Variants in TRPS1 observed in about 807,000 individuals in gnomAD.
TRPS1 encodes transcriptional repressor GATA binding 1.
TRPS1 carries 6 observed loss-of-function variants against 101.2 expected under a neutral mutation model. The observed-to-expected ratio is 0.06, with a 90% CI of 0.03 to 0.12. The LOEUF (loss-of-function observed/expected upper bound fraction) is 0.12, where lower values mean the gene tolerates loss of function less well. Ranked by LOEUF, TRPS1 falls within the 10% of genes least tolerant of loss-of-function variation. TRPS1 has a pLI of 1.00. For synonymous variants in TRPS1, 578 were observed against 589.8 expected, an observed-to-expected ratio of 0.98 and a Z score of 0.29; for missense variants, 1,363 against 1,567.0, an observed-to-expected ratio of 0.87 and a Z score of 2.20.
chr8:115,475,519 G>A (rs1814583052), intron 5 of TRPS1, among the ~76,000 whole-genome samples: 1 of 151,902 alleles, frequency 6.6e-6, no homozygotes, highest in Non-Finnish European at 1.5e-5. Flanking sequence ...TTCAGTCTCA[G>A]TAAATGTATG....
chr8:115,614,391 G>A (rs1351541661), intron 3 of TRPS1, among the ~76,000 whole-genome samples: 1 of 152,148 alleles, frequency 6.6e-6, no homozygotes. Context: ...GATACCAACT[G>A]TCATGAACAA....
At chr8:115,626,324 T>C (rs1026957623) in intron 1 of TRPS1, among the ~76,000 whole-genome samples, 3 of 151,478 alleles carry the variant, frequency 2.0e-5, no homozygotes, top group African/African-American at 7.3e-5. Flanking sequence ...CTACTCCATA[T>C]ATACAGATCA....
chr8:115,649,780 A>G (rs1563670011), intron 1 of TRPS1, among the ~76,000 whole-genome samples: 1 of 152,188 alleles, frequency 6.6e-6, no homozygotes, highest in Non-Finnish European at 1.5e-5. Context: ...CCTGATGTTC[A>G]CAAGTGAAAA....
intron 5 of TRPS1, among the ~76,000 whole-genome samples, chr8:115,478,587 T>C (rs1338340432): frequency 6.6e-6 from 1 of 151,906 alleles, no homozygotes; most frequent in Non-Finnish European, 1.5e-5. Flanking sequence ...GTGGATCACT[T>C]GAGGTCAGGA....
At chr8:115,434,745 C>CATAG (rs1246694240) in intron 5 of TRPS1, among the ~76,000 whole-genome samples, 1 of 152,190 alleles carries the variant, frequency 6.6e-6, no homozygotes, top group Non-Finnish European at 1.5e-5. Flanking sequence ...GCAACAAATG[C>CATAG]ATAGCATTCT....
intron 5 of TRPS1, among the ~76,000 whole-genome samples, chr8:115,568,156 G>A (rs1371671453): frequency 6.6e-6 from 1 of 151,960 alleles, no homozygotes. Context: ...CAGATACCAT[G>A]TATTATTGTA....
At chr8:115,568,798 AAATACTCTGT>A (rs1331756685) in intron 5 of TRPS1, among the ~76,000 whole-genome samples, 1 of 152,150 alleles carries the variant, frequency 6.6e-6, no homozygotes, top group East Asian at 1.9e-4. Context: ...CTCCCAATTA[AAATACTCTGT>A]AAGACTGCCT....
chr8:115,575,971 A>C (rs947761310), intron 5 of TRPS1, among the ~76,000 whole-genome samples: 4 of 152,140 alleles, frequency 2.6e-5, no homozygotes, highest in Non-Finnish European at 5.9e-5. Flanking sequence ...TCTGATTTGA[A>C]CATCTGACTG....
intron 4 of TRPS1, among the ~76,000 whole-genome samples, chr8:115,589,077 G>T (rs774676906): frequency 7.9e-5 from 12 of 152,200 alleles, no homozygotes; most frequent in Non-Finnish European, 1.6e-4. Context: ...AGGGTGAAAA[G>T]AAGCTATCCT....
At chr8:115,448,292 T>C (rs1354254168) in intron 5 of TRPS1, among the ~76,000 whole-genome samples, 4 of 152,130 alleles carry the variant, frequency 2.6e-5, no homozygotes, top group East Asian at 1.9e-4. Flanking sequence ...GTTTGAGAAA[T>C]GACAAAATTC....
chr8:115,473,985 T>C (rs536495539), intron 5 of TRPS1, among the ~76,000 whole-genome samples: 24 of 152,332 alleles, frequency 1.6e-4, no homozygotes, highest in African/African-American at 5.5e-4. Context: ...GAGACAATGA[T>C]GAAAAGCTTT....
At chr8:115,509,045 TA>T (rs905439335) in intron 5 of TRPS1, among the ~76,000 whole-genome samples, 1 of 151,836 alleles carries the variant, frequency 6.6e-6, no homozygotes, top group African/African-American at 2.4e-5. Flanking sequence ...TACTCTCCCT[TA>T]AAAAAAATCT....
At chr8:115,463,276 A>C (rs1814233813) in intron 5 of TRPS1, among the ~76,000 whole-genome samples, 1 of 152,178 alleles carries the variant, frequency 6.6e-6, no homozygotes, top group South Asian at 2.1e-4. Context: ...ACTGAACATA[A>C]GCTCTCCTAA....
chr8:115,415,815 T>C (rs1489372319), intron 6 of TRPS1, among the ~76,000 whole-genome samples: 1 of 152,206 alleles, frequency 6.6e-6, no homozygotes, highest in Non-Finnish European at 1.5e-5. Context: ...GTCGGCTGTT[T>C]AAAGCTGCTC....
At chr8:115,606,762 C>T (rs1818046255) in intron 3 of TRPS1, among the ~76,000 whole-genome samples, 1 of 145,882 alleles carries the variant, frequency 6.9e-6, no homozygotes, top group South Asian at 2.2e-4. Flanking sequence ...AAAATCTCTA[C>T]ATATATTTCC....
intron 5 of TRPS1, among the ~76,000 whole-genome samples, chr8:115,516,843 A>C (rs1815723895): frequency 1.3e-5 from 2 of 151,642 alleles, no homozygotes; most frequent in Admixed American, 1.3e-4. Flanking sequence ...CTTTTACTAT[A>C]TAACACTATC....
chr8:115,512,547 T>C (rs1034615287), intron 5 of TRPS1, among the ~76,000 whole-genome samples: 1 of 151,548 alleles, frequency 6.6e-6, no homozygotes, highest in Non-Finnish European at 1.5e-5. Context: ...GCTAAAAAAT[T>C]CATGCTCATG....
At position 115,413,022 on chromosome 8, in the gene TRPS1, A is replaced by C. The variant is rs1812825344; in HGVS notation, c.*1001T>G. The C allele has an allele frequency of 6.6e-6, 1 of 152,592 alleles. No homozygotes were observed. Among genetic ancestry groups the C allele is most frequent in the African/African-American group, 2.4e-5 (1 of 41,446 alleles). The allele number at this position is 152,592 out of a possible 1,614,324, so 9.5% of individuals were successfully genotyped here. On this transcript the variant is annotated 3_prime_UTR_variant, in exon 7 of 7. Transcript: ENST00000395715. ...AATTATATTTAACCAAAAGAAAATA[A>C]ATAAATACAGCAGGTTACCTTGTGA... is the stretch of plus-strand genomic sequence containing the variant.
chr8:115,637,907 G>A (rs1402959761), intron 1 of TRPS1, among the ~76,000 whole-genome samples: 4 of 152,048 alleles, frequency 2.6e-5, no homozygotes, highest in Non-Finnish European at 4.4e-5. Context: ...TTCTAGCCCC[G>A]TTTATCCTGA....
Sources: allele counts gnomAD v4.1 joint callset (sites outside exome capture counted in the v4.1 genomes callset), GRCh38; gene constraint gnomAD v4.1.1; transcripts MANE v1.5; gene names NCBI Gene and HGNC (gene_info 2026-07-23, HGNC 2026-07-21).